Variants in WFDC1 observed in about 807,000 individuals in gnomAD.
WFDC1 encodes the protein WAP four-disulfide core domain 1.
In WFDC1, 39 loss-of-function variants were observed where a neutral mutation model predicts 32.9. That is an observed-to-expected ratio of 1.19 (90% CI 0.92 to 1.55). The LOEUF (loss-of-function observed/expected upper bound fraction) is 1.55. Among genes scored for constraint, WFDC1 ranks in the 40% most tolerant of loss-of-function variants. The pLI is 0.00. For missense variants in WFDC1, 386 were observed against 309.5 expected (o/e 1.25, Z -1.85); for synonymous variants, 184 against 137.4 (o/e 1.34, Z -2.37).
chr16:84,320,728 C>A (rs1483800084), intron 4 of WFDC1, among the ~76,000 whole-genome samples: 1 of 152,192 alleles, frequency 6.6e-6, no homozygotes. Flanking sequence ...ACTGAGACCA[C>A]ACCCAGGGGC....
At chr16:84,295,290 C>A (rs1419934018) in intron 1 of WFDC1, 175 bp downstream of exon 1, 3 of 716,868 alleles carry the variant, frequency 4.2e-6, no homozygotes, top group Non-Finnish European at 6.5e-6. Context: ...GGGGCTCACC[C>A]CCAAAAAAGG....
intron 5 of WFDC1, 37 bp downstream of exon 5, chr16:84,324,497 C>T (rs768382296): frequency 6.3e-7 from 1 of 1,577,366 alleles, no homozygotes; most frequent in Admixed American, 1.8e-5. Context: ...CCAGAGGGCA[C>T]AAAAAAAAGG....
At chr16:84,303,821 T>G (rs781073891) in intron 1 of WFDC1, among the ~76,000 whole-genome samples, 1 of 152,214 alleles carries the variant, frequency 6.6e-6, no homozygotes, top group Non-Finnish European at 1.5e-5. Flanking sequence ...TAGCCGTCAG[T>G]CCTCCTTCCC....
intron 1 of WFDC1, among the ~76,000 whole-genome samples, chr16:84,303,021 C>CTTTT (rs35785853): frequency 1.5e-5 from 2 of 135,072 alleles, no homozygotes; most frequent in Non-Finnish European, 1.6e-5. Flanking sequence ...TTCTTTCTTT[C>CTTTT]TTTTTTTTTT....
chr16:84,303,248 T>C (rs537448825), intron 1 of WFDC1, among the ~76,000 whole-genome samples: 11 of 152,144 alleles, frequency 7.2e-5, no homozygotes, highest in Non-Finnish European at 1.2e-4. Context: ...GCTTTCTTCC[T>C]CCACCACGCA....
rs191461582 is a variant in WFDC1 at position 84,294,983 on chromosome 16, C to A, written c.12C>A (p.Thr4=). The stretch of plus-strand genomic sequence containing the variant: ...TGCCCAGGGAGGAAATGCCTTTAAC[C>A]GGCGTGGGGCCGGGCAGCTGCAGGA... MPL[T]GVGPGSCRRQ... is the part of the protein sequence containing the mutation. The change falls in exon 1 of 7, where the codon ACC becomes ACA. Residue 4 remains threonine (T), a synonymous_variant. Coordinates refer to ENST00000219454, the MANE Select transcript of WFDC1 (RefSeq NM_021197.4). The A allele has an allele frequency of 3.7e-6, 6 of 1,612,870 alleles. No homozygotes were observed. In the African/African-American group the frequency reaches 6.7e-5, roughly 18 times the overall value.
chr16:84,307,459 T>C (rs1243038832), intron 1 of WFDC1, among the ~76,000 whole-genome samples: 1 of 152,230 alleles, frequency 6.6e-6, no homozygotes, highest in South Asian at 2.1e-4. Context: ...ATGTGGCTTC[T>C]AAGGCGCTTA....
chr16:84,299,776 G>T (rs1906827038), intron 1 of WFDC1, among the ~76,000 whole-genome samples: 1 of 152,258 alleles, frequency 6.6e-6, no homozygotes, highest in Non-Finnish European at 1.5e-5. Context: ...GCTGGAAATG[G>T]TGGTTCAGTT....
intron 1 of WFDC1, among the ~76,000 whole-genome samples, chr16:84,297,815 T>A (rs2151363493): frequency 6.6e-6 from 1 of 152,140 alleles, no homozygotes; most frequent in East Asian, 1.9e-4. Context: ...AGTCCTCACC[T>A]GGGAAATGAA....
chr16:84,318,319 G>T lies in WFDC1; in HGVS notation c.385G>T (p.Gly129Cys), dbSNP rs1393466337. 9.3e-6 allele frequency: 15 copies of T among 1,614,034 alleles called. No homozygotes were observed. In the Admixed American group the frequency reaches 1.2e-4, roughly 13 times the overall value. ...QPKPRWLGGN[G>C]WLLDGPEEVL... ...GAAACCTCGATGGCTTGGTGGCAATGGCTGGCTCCTGGATGGCCCTGAGGA... is the reference window on the plus strand; with the variant it reads ...GAAACCTCGATGGCTTGGTGGCAATTGCTGGCTCCTGGATGGCCCTGAGGA... Residue 129 changes from glycine (G) to cysteine (C), a missense_variant, in exon 3 of 7, where the codon GGC becomes TGC. Coordinates refer to ENST00000219454, the MANE Select transcript of WFDC1 (RefSeq NM_021197.4).
chr16:84,307,064 C>T (rs1009534721), intron 1 of WFDC1, among the ~76,000 whole-genome samples: 1 of 152,018 alleles, frequency 6.6e-6, no homozygotes, highest in African/African-American at 2.4e-5. Context: ...GGGGAAAGAG[C>T]CAGTGCAAAG....
At chr16:84,323,261 G>A (rs1908410040) in intron 4 of WFDC1, among the ~76,000 whole-genome samples, 1 of 152,216 alleles carries the variant, frequency 6.6e-6, no homozygotes, top group East Asian at 1.9e-4. Context: ...ATGATTTTTA[G>A]TATGGCCACA....
chr16:84,307,849 G>C (rs1221688556), intron 1 of WFDC1, among the ~76,000 whole-genome samples: 1 of 152,182 alleles, frequency 6.6e-6, no homozygotes, highest in East Asian at 1.9e-4. Context: ...AGAGCTAATG[G>C]CGTGGGATTA....
At chr16:84,295,334 A>C in intron 1 of WFDC1, 1 of 548,972 alleles carries the variant, frequency 1.8e-6, no homozygotes, top group Non-Finnish European at 3.1e-6. Flanking sequence ...CAAAAGACAC[A>C]TCACAAATGT....
At chr16:84,309,270 C>T (rs181024812) in intron 1 of WFDC1, among the ~76,000 whole-genome samples, 3 of 151,892 alleles carry the variant, frequency 2.0e-5, no homozygotes, top group African/African-American at 4.8e-5. Context: ...GTTATTAAAT[C>T]GAAAAAGTAA....
intron 4 of WFDC1, among the ~76,000 whole-genome samples, chr16:84,323,454 G>A (rs1456287658): frequency 6.6e-6 from 1 of 152,112 alleles, no homozygotes; most frequent in Non-Finnish European, 1.5e-5. Flanking sequence ...GCTACCATGG[G>A]GTGGGTAGCA....
rs138021677 is a variant in WFDC1, at chr16:84,302,228, G to A, written c.144+7113G>A. Among the ~76,000 whole-genome samples the A allele has an allele frequency of 2.0e-3, 302 of 152,280 alleles. 3 individuals carry two copies. The highest frequency in any genetic ancestry group is 6.9e-3 in the African/African-American group (286 of 41,558). On this transcript the variant is annotated intron_variant, in intron 1 of 6. Coordinates refer to ENST00000219454, the MANE Select transcript of WFDC1 (RefSeq NM_021197.4). ...GGGGAGGGAGGAATAGGGGGCAGCT[G>A]TCTGATGAGAACAGAGGTTCTGCCT... is the stretch of plus-strand genomic sequence containing the variant.
intron 1 of WFDC1, chr16:84,295,903 G>C (rs959119808): frequency 6.6e-6 from 1 of 152,436 alleles, no homozygotes; most frequent in African/African-American, 2.4e-5. Flanking sequence ...GTCCTAGGCT[G>C]TGGGGATACA....
intron 2 of WFDC1, among the ~76,000 whole-genome samples, chr16:84,314,681 C>T (rs930496781): frequency 2.6e-5 from 4 of 152,224 alleles, no homozygotes; most frequent in Non-Finnish European, 5.9e-5. Context: ...TGCCTCTGGG[C>T]AGGAACTGGC....
Sources: allele counts gnomAD v4.1 joint callset (sites outside exome capture counted in the v4.1 genomes callset), GRCh38; gene constraint gnomAD v4.1.1; transcripts MANE v1.5; gene names NCBI Gene and HGNC (gene_info 2026-07-23, HGNC 2026-07-21).